CHN2: variants seen among roughly 807,000 people sequenced by gnomAD.
The protein encoded by CHN2 is beta-chimaerin.
Under a neutral mutation model 56.3 loss-of-function variants are expected in CHN2, and 35 were observed. The ratio of observed to expected loss-of-function variants is 0.62; its 90% confidence interval spans 0.47 to 0.82. The LOEUF (loss-of-function observed/expected upper bound fraction) is 0.82, where lower values mean the gene tolerates loss of function less well. Among genes scored for constraint, CHN2 ranks in the 40% least tolerant of loss-of-function variants. CHN2 has a pLI of 0.00. For missense variants in CHN2, 491 were observed against 580.5 expected (o/e 0.85, Z 1.58); for synonymous variants, 210 against 212.8 (o/e 0.99, Z 0.12).
rs148176559 is a variant in CHN2 at position 29,507,241 on chromosome 7, C to T, written c.1005C>T (p.Ala335=). The change falls in exon 11 of 13, where the codon GCC becomes GCT. Residue 335 remains alanine, a synonymous_variant. Coordinates refer to ENST00000222792, the MANE Select transcript of CHN2 (RefSeq NM_004067.4). ...KMAFDRDGEK[A]DISANVYPDI... The stretch of plus-strand genomic sequence containing the variant: ...ATTGTTTTTCAGATGGTGAAAAGGC[C>T]GATATATCTGCCAATGTCTATCCAG... 2.0e-4 allele frequency: 324 copies of T among 1,607,694 alleles called. No individual in the cohort carries two copies. The African/African-American group carries it at 2.8e-3, about 14-fold the overall frequency.
rs1786325866 is a variant in CHN2 at position 29,473,484 on chromosome 7, G to GTGTGTGTGTGTT, written c.577-6784_577-6783insTTGTGTGTGTGT. 1.3e-4 allele frequency among the ~76,000 whole-genome samples: 11 copies of GTGTGTGTGTGTT among 81,874 alleles called. No individual in the cohort carries two copies. The East Asian group carries it at 1.5e-3, about 11-fold the overall frequency. 53.7% of individuals were successfully genotyped at this position (81,874 alleles called of 152,430 possible). ...TGTGTGTTTGTGTTTTTTTTTTTTT[G>GTGTGTGTGTGTT]TGTGTGTGTGTGTGTGTGTGTGTTC... On this transcript the variant is annotated intron_variant, in intron 6 of 12. Coordinates refer to ENST00000222792, the MANE Select transcript of CHN2 (RefSeq NM_004067.4).
intron 1 of CHN2, among the ~76,000 whole-genome samples, chr7:29,234,884 G>A (rs1157369478): frequency 1.3e-5 from 2 of 152,190 alleles, no homozygotes; most frequent in Non-Finnish European, 2.9e-5. Context: ...TTTTAGAGCT[G>A]TCACGAAAAC....
At chr7:29,246,718 A>G (rs39092) in intron 1 of CHN2, among the ~76,000 whole-genome samples, 119,260 of 152,154 alleles carry the variant, frequency 0.78, 46,950 homozygotes, top group East Asian at 0.93. Flanking sequence ...TCTGGAGGCC[A>G]GGAAGGCCAG....
chr7:29,298,986 C>G (rs1457681994), intron 1 of CHN2, among the ~76,000 whole-genome samples: 1 of 152,124 alleles, frequency 6.6e-6, no homozygotes, highest in Non-Finnish European at 1.5e-5. Flanking sequence ...ACCAAGGCCT[C>G]TTATTTTTTC....
chr7:29,277,288 T>A (rs1323935023), intron 1 of CHN2, among the ~76,000 whole-genome samples: 1 of 152,196 alleles, frequency 6.6e-6, no homozygotes, highest in Non-Finnish European at 1.5e-5. Context: ...AGGGGCCAGA[T>A]TGTCTGCCCA....
At chr7:29,345,313 A>C (rs1207222457) in intron 1 of CHN2, among the ~76,000 whole-genome samples, 1 of 152,212 alleles carries the variant, frequency 6.6e-6, no homozygotes, top group Non-Finnish European at 1.5e-5. Context: ...GGAAGACAAA[A>C]CGTAAACAAA....
intron 1 of CHN2, among the ~76,000 whole-genome samples, chr7:29,333,625 T>C (rs889365114): frequency 2.0e-5 from 3 of 152,226 alleles, no homozygotes; most frequent in Admixed American, 6.5e-5. Flanking sequence ...AGGGGCAGAA[T>C]GCTGCTCTAA....
intron 3 of CHN2, among the ~76,000 whole-genome samples, chr7:29,390,562 CAT>C (rs1801284985): frequency 6.6e-6 from 1 of 152,240 alleles, no homozygotes; most frequent in African/African-American, 2.4e-5. Flanking sequence ...TTTTAACAAA[CAT>C]AGTTTTCAAT....
intron 1 of CHN2, among the ~76,000 whole-genome samples, chr7:29,256,275 C>T (rs1789072228): frequency 6.6e-6 from 1 of 152,186 alleles, no homozygotes; most frequent in African/African-American, 2.4e-5. Context: ...CAGTCTATTT[C>T]AGAATCACTG....
chr7:29,236,928 A>G (rs189847728), intron 1 of CHN2, among the ~76,000 whole-genome samples: 55 of 152,292 alleles, frequency 3.6e-4, no homozygotes, highest in Non-Finnish European at 6.3e-4. Context: ...GTAATTCAAG[A>G]TAATCATCCA....
At chr7:29,498,257 G>C (rs750997970) in intron 8 of CHN2, among the ~76,000 whole-genome samples, 1 of 152,130 alleles carries the variant, frequency 6.6e-6, no homozygotes, top group African/African-American at 2.4e-5. Context: ...TTTTATTTGA[G>C]CCTCATGGCT....
intron 1 of CHN2, among the ~76,000 whole-genome samples, chr7:29,309,023 A>G (rs190633375): frequency 3.7e-4 from 57 of 152,316 alleles, no homozygotes; most frequent in African/African-American, 1.3e-3. Flanking sequence ...GTTTATTAGT[A>G]TGTGATGAAT....
chr7:29,468,192 G>A (rs1785726407), intron 6 of CHN2, among the ~76,000 whole-genome samples: 1 of 127,094 alleles, frequency 7.9e-6, no homozygotes, highest in Non-Finnish European at 1.5e-5. Flanking sequence ...TGTTGAGATT[G>A]ATGATGCCAT....
chr7:29,174,341 C>T (rs927301390), intron 2 of CHN2, among the ~76,000 whole-genome samples: 1 of 152,132 alleles, frequency 6.6e-6, no homozygotes, highest in Non-Finnish European at 1.5e-5. Flanking sequence ...GGGGAAAGGA[C>T]AGAAGCAAAA....
chr7:29,409,590 A>G (rs899930721), intron 6 of CHN2, among the ~76,000 whole-genome samples: 1 of 152,230 alleles, frequency 6.6e-6, no homozygotes, highest in Non-Finnish European at 1.5e-5. Flanking sequence ...GTCTGGCCTC[A>G]CACAGATGTG....
upstream of CHN2, among the ~76,000 whole-genome samples, chr7:29,190,740 T>C (rs1782783411): frequency 6.6e-6 from 1 of 152,240 alleles, no homozygotes; most frequent in South Asian, 2.1e-4. Context: ...TTGTTACTCA[T>C]TGTCTTGTAG....
chr7:29,214,912 T>C (rs1266530956), intron 1 of CHN2, among the ~76,000 whole-genome samples: 2 of 152,146 alleles, frequency 1.3e-5, no homozygotes, highest in Admixed American at 6.5e-5. Flanking sequence ...AGGACATAAA[T>C]AGATACGTAG....
intron 2 of CHN2, among the ~76,000 whole-genome samples, chr7:29,358,148 A>G (rs1298390999): frequency 6.6e-6 from 1 of 151,222 alleles, no homozygotes; most frequent in African/African-American, 2.4e-5. Context: ...CCTTGTTTTC[A>G]TTGACGTTTT....
chr7:29,471,887 C>G (rs1006080347), intron 6 of CHN2, among the ~76,000 whole-genome samples: 2 of 152,130 alleles, frequency 1.3e-5, no homozygotes, highest in African/African-American at 4.8e-5. Context: ...TGATCTTTCT[C>G]ATTTCTTTGG....
Sources: gnomAD v4.1 joint callset for allele counts (sites outside exome capture counted in the v4.1 genomes callset) on GRCh38, gnomAD v4.1.1 for gene constraint, MANE v1.5 for transcripts, NCBI Gene and HGNC (gene_info 2026-07-23, HGNC 2026-07-21) for gene names.